The following ERCC2 variants were observed in gnomAD, a reference collection of about 807,000 sequenced individuals.
The protein encoded by ERCC2 is ERCC excision repair 2, TFIIH core complex helicase subunit, also known as general transcription and DNA repair factor IIH helicase subunit XPD.
ERCC2 carries 90 observed loss-of-function variants against 99.4 expected under a neutral mutation model. The ratio of observed to expected loss-of-function variants is 0.91; its 90% confidence interval spans 0.76 to 1.08. The LOEUF (loss-of-function observed/expected upper bound fraction) is 1.08, where lower values mean the gene tolerates loss of function less well. Among genes scored for constraint, ERCC2 ranks in the 50% least tolerant of loss-of-function variants. The pLI is 0.00. For missense variants in ERCC2, 993 were observed against 1,038.1 expected, an observed-to-expected ratio of 0.96 and a Z score of 0.60; for synonymous variants, 497 against 432.4, an observed-to-expected ratio of 1.15 and a Z score of -1.85.
In ERCC2 at chr19:45,356,639, G is replaced by A. The variant is rs368068692; in HGVS notation, c.1479+631C>T. Among the ~76,000 whole-genome samples, 8 of 152,200 alleles carry A rather than the reference G, an allele frequency of 5.3e-5. No homozygotes were observed. In the South Asian group the frequency reaches 6.2e-4, roughly 12 times the overall value. ...AGCCTGGCCAACGTGGTGAAACCCC[G>A]TCTCTACTAAAATTACAAAAATTAG... On this transcript the variant is annotated intron_variant, in intron 15 of 22. Transcript: ENST00000391945.
Position 45,368,612 on chromosome 19 carries a change from G to A in ERCC2, c.360+18C>T, listed in dbSNP as rs1799784. On this transcript the variant is annotated intron_variant, in intron 5 of 22. Coordinates refer to ENST00000391945, the MANE Select transcript of ERCC2 (RefSeq NM_000400.4). ...TCTACCTCTGGGCTAAGGGCAAGGA[G>A]AAGGAACAGGTGCTCACCTCAGGGT... is the stretch of plus-strand genomic sequence containing the variant. 6.5e-5 allele frequency: 99 copies of A among 1,530,116 alleles called. No homozygotes were observed. In the South Asian group the frequency reaches 7.9e-4, roughly 12 times the overall value. 94.8% of individuals were successfully genotyped at this position (1,530,116 alleles called of 1,614,324 possible).
At position 45,363,498 on chromosome 19, in the gene ERCC2, G is replaced by A. The variant is rs3916816; in HGVS notation, c.1118+245C>T. Among the ~76,000 whole-genome samples, 38 of 152,266 alleles carry A rather than the reference G, an allele frequency of 2.5e-4. No homozygotes were observed. The East Asian group carries it at 5.0e-3, about 20-fold the overall frequency. ...ATGGTGCTCCCACTCTCTCTTGGGT[G>A]GGGGAGATTCTCCAATCCAGCCAGG... is the stretch of plus-strand genomic sequence containing the variant. On this transcript the variant is annotated intron_variant, in intron 11 of 22. Transcript: ENST00000391945.
At chr19:45,368,883 G>A (rs2123313899) in intron 4 of ERCC2, 47 bp downstream of exon 4, 1 of 1,603,378 alleles carries the variant, frequency 6.2e-7, no homozygotes, top group East Asian at 2.2e-5. Context: ...GACCAATAGG[G>A]CCTAGGGAAC....
At position 45,357,271 on chromosome 19, in the gene ERCC2, A is replaced by G. The variant is rs1360236693; in HGVS notation, c.1478T>C (p.Met493Thr). 2 of 1,609,324 alleles carry G rather than the reference A, an allele frequency of 1.2e-6. No individual in the cohort carries two copies. The highest frequency in any genetic ancestry group is 1.1e-5 in the South Asian group (1 of 90,916). The change falls in exon 15 of 23, where the codon ATG (methionine) becomes ACG (threonine). Residue 493 changes from methionine (M) to threonine (T), a missense_variant and splice_region_variant. By Grantham distance (81) the Met-to-Thr change is moderately conservative (BLOSUM62 -1). Coordinates refer to ENST00000391945, the MANE Select transcript of ERCC2 (RefSeq NM_000400.4). ...CCAGCCCTAGCCTCTCCCACTCACC[A>G]TAGGGCAGAGGCAGACCCGTGCCAG... ...MTLARVCLCPMIIGRGNDQVA... is the reference protein window; with the variant it reads ...MTLARVCLCPTIIGRGNDQVA...
chr19:45,351,861 G>C (rs1030016597), intron 22 of ERCC2, 140 bp from the exon 23 acceptor site: 3 of 764,650 alleles, frequency 3.9e-6, no homozygotes, highest in South Asian at 1.7e-5. Flanking sequence ...GTATAATCCA[G>C]AGCGGGCCAT....
intron 5 of ERCC2, among the ~76,000 whole-genome samples, 178 bp downstream of exon 5, chr19:45,368,452 G>A (rs746449181): frequency 2.6e-5 from 4 of 152,184 alleles, no homozygotes; most frequent in Non-Finnish European, 5.9e-5. Context: ...ACTCCCTGGA[G>A]GAAGTGTGCT....
rs1971748502 is a variant in ERCC2, at chr19:45,351,169, T to G, written c.*460A>C. ...GGACAGGAGCAAAGATGGGTTTTACTTGGGGTAGAGGCGAGGGGGTTGGAT... is the reference window on the plus strand; with the variant it reads ...GGACAGGAGCAAAGATGGGTTTTACGTGGGGTAGAGGCGAGGGGGTTGGAT... On this transcript the variant is annotated 3_prime_UTR_variant, in exon 23 of 23. Transcript: ENST00000391945. 36 of 1,587,906 alleles carry G rather than the reference T, an allele frequency of 2.3e-5. No individual in the cohort carries two copies. Among genetic ancestry groups the G allele is most frequent in the Non-Finnish European group, 3.0e-5 (35 of 1,166,454 alleles).
chr19:45,354,667 AC>A, intron 17 of ERCC2, 62 bp downstream of exon 17: 1 of 1,603,206 alleles, frequency 6.2e-7, no homozygotes, highest in Non-Finnish European at 8.5e-7. Context: ...AATGAAGCTG[AC>A]ATAGCGGTGC....
At position 45,353,485 on chromosome 19, in the gene ERCC2, CAGTTCTTT is replaced by C. The variant is rs576481455; in HGVS notation, c.1666-159_1666-152del. On this transcript the variant is annotated intron_variant, in intron 17 of 22. Transcript: ENST00000391945. Reference sequence around the variant, plus strand: ...GAGGGAGGGTGGAATTGTCCAACCTCAGTTCTTTGGGGAAACAGTGATCTGGGTGGGGA... The same window carrying C: ...GAGGGAGGGTGGAATTGTCCAACCTCGGGGAAACAGTGATCTGGGTGGGGA... 1,499 of 674,958 alleles carry C rather than the reference CAGTTCTTT, an allele frequency of 2.2e-3. 19 individuals are homozygous for C. The highest frequency in any genetic ancestry group is 0.016 in the South Asian group (999 of 62,136). 41.8% of individuals were successfully genotyped at this position (674,958 alleles called of 1,614,324 possible). A position where few individuals can be genotyped will look rare whatever the true frequency, so the allele number is the denominator to read the frequency against.
chr19:45,355,764 C>A (rs1264147089), intron 15 of ERCC2, 36 bp from the exon 16 acceptor site: 1 of 1,582,860 alleles, frequency 6.3e-7, no homozygotes, highest in Non-Finnish European at 8.7e-7. Flanking sequence ...AGCGAGGCAG[C>A]AGCAACTGCT....
intron 15 of ERCC2, 31 bp from the exon 16 acceptor site, chr19:45,355,759 G>A: frequency 1.2e-6 from 2 of 1,603,366 alleles, no homozygotes; most frequent in Non-Finnish European, 1.7e-6. Flanking sequence ...CGATAAGCGA[G>A]GCAGCAGCAA....
At chr19:45,367,640 C>T (rs1333693846) in intron 5 of ERCC2, among the ~76,000 whole-genome samples, 5 of 151,334 alleles carry the variant, frequency 3.3e-5, no homozygotes, top group African/African-American at 1.2e-4. Flanking sequence ...GTCTCAGCCT[C>T]CCAAGTAGCT....
At position 45,354,773 on chromosome 19, in the gene ERCC2, CTGG is replaced by C; in HGVS notation, c.1619_1621del (p.Thr540del). ...CACGGTGCTCTCCATGTACTGGTAGCTGGTGAAGAAGGCCACGATGCCATCAGG... is the reference window on the plus strand; with the variant it reads ...CACGGTGCTCTCCATGTACTGGTAGCTGAAGAAGGCCACGATGCCATCAGG... On this transcript the variant is annotated inframe_deletion, in exon 17 of 23. Transcript: ENST00000391945. The C allele has an allele frequency of 1.2e-6, 2 of 1,614,106 alleles. No individual in the cohort carries two copies. Among genetic ancestry groups the C allele is most frequent in the Non-Finnish European group, 1.7e-6 (2 of 1,179,974 alleles).
chr19:45,352,933 C>T (rs570932176), intron 19 of ERCC2, 117 bp from the exon 20 acceptor site: 137 of 1,236,706 alleles, frequency 1.1e-4, no homozygotes, highest in Middle Eastern at 2.5e-4. Context: ...GTGTTCCCGC[C>T]GGGTGCCTAG....
chr19:45,350,703 G>A lies in ERCC2; in HGVS notation c.*926C>T. ...AGTCTATCAGGCGAGGAAGTGAGAA[G>A]CTGGTCTCCCGGCTCCGAGGCGAGG... On this transcript the variant is annotated 3_prime_UTR_variant, in exon 23 of 23. Transcript: ENST00000391945. 6.2e-7 allele frequency: 1 copy of A among 1,613,800 alleles called. No homozygotes were observed.
rs1568527696 is a variant in ERCC2 at position 45,350,660 on chromosome 19, C to CAG, written c.*968_*969insCT. ...CCCCAGGCCCTTCGCCGCAGCAGCT[C>CAG]ACTCTCCAAGATCCGTGAGTCTATC... On this transcript the variant is annotated 3_prime_UTR_variant, in exon 23 of 23. Transcript: ENST00000391945. The CAG allele has an allele frequency of 4.3e-6, 7 of 1,613,604 alleles. No individual in the cohort carries two copies. In the Admixed American group the frequency reaches 8.3e-5, roughly 19 times the overall value.
intron 4 of ERCC2, 37 bp downstream of exon 4, chr19:45,368,891 AAC>A (rs1449815174): frequency 1.2e-6 from 2 of 1,609,610 alleles, no homozygotes; most frequent in South Asian, 2.2e-5. Context: ...GGGCCTAGGG[AAC>A]AGTGGGGCTG....
chr19:45,352,713 CTG>C (rs1187131088), intron 20 of ERCC2, 31 bp downstream of exon 20: 10 of 1,613,918 alleles, frequency 6.2e-6, no homozygotes, highest in African/African-American at 1.3e-5. Context: ...GATCCTAACA[CTG>C]TGGGACTCCC....
At position 45,351,370 on chromosome 19, in the gene ERCC2, T is replaced by G. The variant is rs775855093; in HGVS notation, c.*259A>C. On this transcript the variant is annotated 3_prime_UTR_variant, in exon 23 of 23. Coordinates refer to ENST00000391945, the MANE Select transcript of ERCC2 (RefSeq NM_000400.4). ...GAGCCCCCACTAACGTCCAGTGAAC[T>G]GCGCTGGCCGCAGCTTCTTGGGAAC... The G allele has an allele frequency of 4.3e-6, 7 of 1,609,210 alleles. No individual in the cohort carries two copies. Among genetic ancestry groups the G allele is most frequent in the Non-Finnish European group, 5.9e-6 (7 of 1,179,950 alleles).
Sources: gnomAD v4.1 joint callset for allele counts (sites outside exome capture counted in the v4.1 genomes callset) on GRCh38, gnomAD v4.1.1 for gene constraint, MANE v1.5 for transcripts, NCBI Gene and HGNC (gene_info 2026-07-23, HGNC 2026-07-21) for gene names.